The following GRIN2A variants were observed in gnomAD, a reference collection of about 807,000 sequenced individuals.
GRIN2A encodes the protein glutamate receptor ionotropic, NMDA 2A.
GRIN2A carries 22 observed loss-of-function variants against 113.4 expected under a neutral mutation model. The ratio of observed to expected loss-of-function variants is 0.19; its 90% CI spans 0.14 to 0.28. The LOEUF (loss-of-function observed/expected upper bound fraction) is 0.28, where lower values mean the gene tolerates loss of function less well. Among genes scored for constraint, GRIN2A ranks in the 10% least tolerant of loss-of-function variants. The pLI, the probability that GRIN2A is intolerant of heterozygous loss-of-function variation, is 1.00. For synonymous variants in GRIN2A, 827 were observed against 738.4 expected, an observed-to-expected ratio of 1.12 and a Z score of -1.94; for missense variants, 1,502 against 1,887.0, an observed-to-expected ratio of 0.80 and a Z score of 3.78.
rs2047138675 is a variant in GRIN2A at position 10,040,325 on chromosome 16, C to T, written c.415-101774G>A. 6.0e-5 allele frequency among the ~76,000 whole-genome samples: 9 copies of T among 150,956 alleles called. No homozygotes were observed. In the South Asian group the frequency reaches 1.9e-3, roughly 32 times the overall value. ...CCAAATACACAACACACATCCACAC[C>T]ACACAAACATGCACTCACAACCCTG... On this transcript the variant is annotated intron_variant, in intron 2 of 12. Transcript: ENST00000330684.
chr16:9,883,449 G>T (rs2043523734), intron 4 of GRIN2A, among the ~76,000 whole-genome samples: 1 of 152,174 alleles, frequency 6.6e-6, no homozygotes. Flanking sequence ...TAGTATACAG[G>T]TCTGCAGGAA....
intron 4 of GRIN2A, among the ~76,000 whole-genome samples, chr16:9,851,942 A>G (rs79801075): frequency 3.4e-3 from 517 of 152,340 alleles, no homozygotes; most frequent in African/African-American, 0.011. Context: ...TTAAAACATA[A>G]CTGAACTGTC....
chr16:10,158,316 T>G (rs1295892470), intron 2 of GRIN2A, among the ~76,000 whole-genome samples: 1 of 152,222 alleles, frequency 6.6e-6, no homozygotes, highest in Non-Finnish European at 1.5e-5. Flanking sequence ...CATTTTATTT[T>G]AAGATGTAAA....
chr16:9,979,444 G>A (rs59166539), intron 2 of GRIN2A, among the ~76,000 whole-genome samples: 4,618 of 152,084 alleles, frequency 0.03, 247 homozygotes, highest in African/African-American at 0.1. Flanking sequence ...TTTTTCCTCC[G>A]CTGTTCCCAT....
chr16:9,894,615 G>T (rs1395218675), intron 3 of GRIN2A, among the ~76,000 whole-genome samples: 1 of 152,128 alleles, frequency 6.6e-6, no homozygotes, highest in Admixed American at 6.5e-5. Context: ...TGGAGAACTG[G>T]AGTCAAATTC....
chr16:10,143,527 G>A (rs1419705099), intron 2 of GRIN2A, among the ~76,000 whole-genome samples: 1 of 152,098 alleles, frequency 6.6e-6, no homozygotes, highest in Non-Finnish European at 1.5e-5. Context: ...TAATTAAGAG[G>A]AATAATAAAA....
intron 2 of GRIN2A, among the ~76,000 whole-genome samples, chr16:10,026,097 T>TA (rs901782895): frequency 5.0e-4 from 76 of 151,830 alleles, no homozygotes; most frequent in African/African-American, 1.6e-3. Context: ...CAGAAAAAAA[T>TA]AAAAAAATAT....
At chr16:9,893,256 G>C (rs545858746) in intron 3 of GRIN2A, among the ~76,000 whole-genome samples, 4 of 152,254 alleles carry the variant, frequency 2.6e-5, no homozygotes, top group African/African-American at 7.2e-5. Flanking sequence ...TAAAAACAGG[G>C]CTTGTCTATG....
intron 2 of GRIN2A, among the ~76,000 whole-genome samples, chr16:9,940,611 G>C (rs905493831): frequency 6.6e-6 from 1 of 152,124 alleles, no homozygotes; most frequent in African/African-American, 2.4e-5. Flanking sequence ...GAAGCCTAAA[G>C]GACTGTCCTT....
chr16:9,916,372 G>A (rs2044250498), intron 3 of GRIN2A, among the ~76,000 whole-genome samples: 1 of 152,190 alleles, frequency 6.6e-6, no homozygotes, highest in Admixed American at 6.5e-5. Flanking sequence ...AACTTCTCAA[G>A]AGAACCAGAA....
intron 10 of GRIN2A, among the ~76,000 whole-genome samples, chr16:9,806,765 A>T (rs941230498): frequency 2.0e-5 from 3 of 152,000 alleles, no homozygotes; most frequent in Non-Finnish European, 4.4e-5. Context: ...AACTAAGAGA[A>T]AAAAGGGGGG....
At chr16:10,011,558 C>G (rs752171692) in intron 2 of GRIN2A, among the ~76,000 whole-genome samples, 119 of 152,226 alleles carry the variant, frequency 7.8e-4, no homozygotes, top group Admixed American at 1.6e-3. Context: ...GGCCGATTCA[C>G]TGACTGCTGT....
At chr16:9,870,778 C>T (rs2043246176) in intron 4 of GRIN2A, among the ~76,000 whole-genome samples, 1 of 152,070 alleles carries the variant, frequency 6.6e-6, no homozygotes, top group African/African-American at 2.4e-5. Context: ...GCTGAAACTA[C>T]AGGCACACAC....
chr16:9,990,970 G>A (rs1567221120), intron 2 of GRIN2A, among the ~76,000 whole-genome samples: 1 of 152,100 alleles, frequency 6.6e-6, no homozygotes, highest in Admixed American at 6.6e-5. Context: ...AGGAGGCTGA[G>A]GCAGGAGAAT....
chr16:9,865,339 C>T (rs571036298), intron 4 of GRIN2A, among the ~76,000 whole-genome samples: 11 of 152,098 alleles, frequency 7.2e-5, no homozygotes, highest in Non-Finnish European at 1.5e-4. Context: ...CCATCTCAGA[C>T]AGTAATCAAC....
intron 3 of GRIN2A, among the ~76,000 whole-genome samples, chr16:9,935,758 C>T (rs769639410): frequency 5.3e-5 from 8 of 152,046 alleles, no homozygotes; most frequent in African/African-American, 4.8e-5. Flanking sequence ...TGCAGTGGTG[C>T]GATCTCAGCT....
At chr16:9,788,096 T>C (rs16966337) in intron 11 of GRIN2A, among the ~76,000 whole-genome samples, 56,950 of 152,036 alleles carry the variant, frequency 0.37, 11,600 homozygotes, top group African/African-American at 0.55. Flanking sequence ...TTAATAAAAC[T>C]AGCCTGCTCT....
chr16:10,010,858 A>G (rs1247227905), intron 2 of GRIN2A, among the ~76,000 whole-genome samples: 1 of 152,210 alleles, frequency 6.6e-6, no homozygotes, highest in Non-Finnish European at 1.5e-5. Context: ...GCTATGCTGC[A>G]CAACTCCAGG....
chr16:10,149,194 T>C (rs939755308), intron 2 of GRIN2A, among the ~76,000 whole-genome samples: 3 of 152,228 alleles, frequency 2.0e-5, no homozygotes, highest in Admixed American at 1.3e-4. Context: ...AACAACTTAA[T>C]TGTATATTTT....
Sources: allele counts gnomAD v4.1 joint callset (sites outside exome capture counted in the v4.1 genomes callset), GRCh38; gene constraint gnomAD v4.1.1; transcripts MANE v1.5; gene names NCBI Gene and HGNC (gene_info 2026-07-23, HGNC 2026-07-21).